CRY1: variants seen among roughly 807,000 people sequenced by gnomAD.
CRY1 encodes cryptochrome-1.
Under a neutral mutation model 76.0 loss-of-function variants are expected in CRY1, and 45 were observed. The observed-to-expected ratio is 0.59, with a 90% CI of 0.47 to 0.76. The LOEUF (loss-of-function observed/expected upper bound fraction) is 0.76. Ranked by LOEUF, CRY1 falls within the 30% of genes least tolerant of loss-of-function variation. CRY1 has a pLI of 0.00. For missense variants in CRY1, 587 were observed against 716.4 expected, an observed-to-expected ratio of 0.82 and a Z score of 2.06; for synonymous variants, 248 against 244.0, an observed-to-expected ratio of 1.02 and a Z score of -0.15.
At chr12:107,082,758 G>A (rs772221302) in intron 1 of CRY1, among the ~76,000 whole-genome samples, 3 of 151,988 alleles carry the variant, frequency 2.0e-5, no homozygotes, top group Non-Finnish European at 2.9e-5. Context: ...ATCTAAAATC[G>A]ACACCCTAAC....
Position 106,999,511 on chromosome 12 carries a change from C to G in CRY1, c.1137+40G>C. 3 of 1,519,574 alleles carry G rather than the reference C, an allele frequency of 2.0e-6. No homozygotes were observed. In the East Asian group the frequency reaches 6.8e-5, roughly 34 times the overall value. The allele number at this position is 1,519,574 out of a possible 1,614,324, so 94.1% of individuals were successfully genotyped here. A position where few individuals can be genotyped will look rare whatever the true frequency, so the allele number is the denominator to read the frequency against. On this transcript the variant is annotated intron_variant, in intron 7 of 12. Coordinates refer to ENST00000008527, the MANE Select transcript of CRY1 (RefSeq NM_004075.5). The stretch of plus-strand genomic sequence containing the variant: ...GATTTGTTTTATTAAGGTAAGGATT[C>G]CTTCAAAATAAGGCATGCTATATCA...
chr12:107,002,165 T>G (rs1447610208), intron 3 of CRY1, among the ~76,000 whole-genome samples: 1 of 152,060 alleles, frequency 6.6e-6, no homozygotes. Flanking sequence ...GTATCAAATA[T>G]ACTACACAAA....
Position 107,045,141 on chromosome 12 carries a change from A to C in CRY1, c.159-22949T>G, listed in dbSNP as rs1013785330. Among the ~76,000 whole-genome samples, 6 of 152,338 alleles carry C rather than the reference A, an allele frequency of 3.9e-5. No homozygotes were observed. In the East Asian group the frequency reaches 1.2e-3, roughly 29 times the overall value. ...AACAGCAAGAGAAAAGTGTCAAGTC[A>C]TATAAAAGGAAATCTCCATTAGACT... On this transcript the variant is annotated intron_variant, in intron 1 of 12. Coordinates refer to ENST00000008527, the MANE Select transcript of CRY1 (RefSeq NM_004075.5).
In CRY1 at chr12:107,053,080, A is replaced by G. The variant is rs567599471; in HGVS notation, c.159-30888T>C. Among the ~76,000 whole-genome samples, 3 of 152,322 alleles carry G rather than the reference A, an allele frequency of 2.0e-5. No homozygotes were observed. The East Asian group carries it at 5.8e-4, about 29-fold the overall frequency. On this transcript the variant is annotated intron_variant, in intron 1 of 12. Coordinates refer to ENST00000008527, the MANE Select transcript of CRY1 (RefSeq NM_004075.5). Reference sequence around the variant, plus strand: ...GCAGAGCCCATATAATTTAATCAACATGTTTAAAGTAAAAAAAGCAAGGAA... The same window carrying G: ...GCAGAGCCCATATAATTTAATCAACGTGTTTAAAGTAAAAAAAGCAAGGAA...
intron 2 of CRY1, among the ~76,000 whole-genome samples, chr12:107,020,397 T>A (rs1423948401): frequency 6.6e-6 from 1 of 152,202 alleles, no homozygotes; most frequent in Non-Finnish European, 1.5e-5. Context: ...GGGATCTATG[T>A]CCTCACCCAA....
chr12:106,998,659 A>AACACAC (rs10522970), intron 7 of CRY1, among the ~76,000 whole-genome samples: 8,206 of 143,368 alleles, frequency 0.057, 226 homozygotes, highest in East Asian at 0.086. Flanking sequence ...TAAGAGATTA[A>AACACAC]ACACACACAC....
intron 1 of CRY1, among the ~76,000 whole-genome samples, chr12:107,032,408 T>C (rs1399361093): frequency 6.6e-6 from 1 of 152,068 alleles, no homozygotes. Flanking sequence ...ATGAATCACC[T>C]CAACGCAAAT....
At position 107,066,711 on chromosome 12, in the gene CRY1, G is replaced by C. The variant is rs138688830; in HGVS notation, c.158+26093C>G. 6.9e-3 allele frequency among the ~76,000 whole-genome samples: 1,043 copies of C among 150,926 alleles called. 18 individuals carry two copies. Among genetic ancestry groups the C allele is most frequent in the African/African-American group, 0.024 (1,000 of 41,132 alleles). On this transcript the variant is annotated intron_variant, in intron 1 of 12. Coordinates refer to ENST00000008527, the MANE Select transcript of CRY1 (RefSeq NM_004075.5). Reference sequence around the variant, plus strand: ...GAACTCCTGAGCTCAACATCCACCCGCCTCGGCCTCCCAAATTGTTAGGAT... The same window carrying C: ...GAACTCCTGAGCTCAACATCCACCCCCCTCGGCCTCCCAAATTGTTAGGAT...
At chr12:107,036,328 C>T (rs1671890647) in intron 1 of CRY1, among the ~76,000 whole-genome samples, 1 of 152,166 alleles carries the variant, frequency 6.6e-6, no homozygotes, top group Admixed American at 6.5e-5. Context: ...AAAACTATGG[C>T]AAATCTTAAC....
At chr12:107,079,890 A>G (rs1413609357) in intron 1 of CRY1, among the ~76,000 whole-genome samples, 1 of 152,128 alleles carries the variant, frequency 6.6e-6, no homozygotes, top group East Asian at 1.9e-4. Context: ...CATAAATGAC[A>G]TGACCAGATT....
chr12:107,081,226 C>A (rs186875413), intron 1 of CRY1, among the ~76,000 whole-genome samples: 2 of 152,066 alleles, frequency 1.3e-5, no homozygotes. Context: ...AGTTTAAATT[C>A]TAAAACAAAT....
intron 5 of CRY1, 152 bp from the exon 6 acceptor site, chr12:107,000,234 G>T: frequency 1.2e-6 from 1 of 801,278 alleles, no homozygotes; most frequent in Non-Finnish European, 1.9e-6. Flanking sequence ...TAAAAAATAA[G>T]ACAGGATAAA....
chr12:107,038,878 C>T (rs982077103), intron 1 of CRY1, among the ~76,000 whole-genome samples: 2 of 152,222 alleles, frequency 1.3e-5, no homozygotes, highest in Non-Finnish European at 2.9e-5. Flanking sequence ...TGAGACAAAA[C>T]TCTCAGCTCC....
intron 2 of CRY1, among the ~76,000 whole-genome samples, chr12:107,018,565 C>A (rs1030619113): frequency 2.6e-5 from 4 of 151,676 alleles, no homozygotes; most frequent in Non-Finnish European, 5.9e-5. Context: ...CCAGCCTGGG[C>A]AACAGAGCAA....
intron 1 of CRY1, among the ~76,000 whole-genome samples, chr12:107,041,113 GAAGCT>G (rs1437636011): frequency 6.6e-6 from 1 of 151,834 alleles, no homozygotes; most frequent in Non-Finnish European, 1.5e-5. Context: ...TATGAGAGGT[GAAGCT>G]AAGAATTAAT....
chr12:107,008,253 T>G (rs1952397797), intron 2 of CRY1, among the ~76,000 whole-genome samples: 1 of 152,190 alleles, frequency 6.6e-6, no homozygotes, highest in Non-Finnish European at 1.5e-5. Flanking sequence ...GGGGATAAAT[T>G]AGTGAACATC....
chr12:107,032,373 A>T (rs4257075), intron 1 of CRY1, among the ~76,000 whole-genome samples: 1 of 152,356 alleles, frequency 6.6e-6, no homozygotes, highest in South Asian at 2.1e-4. Context: ...ATTCAAAAAA[A>T]TTTTATTAAA....
chr12:107,073,182 A>G (rs772666736), intron 1 of CRY1: 1 of 152,144 alleles, frequency 6.6e-6, no homozygotes, highest in African/African-American at 2.4e-5. Flanking sequence ...ATAAACCATA[A>G]AAGTTTGAAT....
chr12:107,019,700 G>A (rs1183657633), intron 2 of CRY1, among the ~76,000 whole-genome samples: 10 of 152,138 alleles, frequency 6.6e-5, no homozygotes, highest in Admixed American at 6.5e-4. Context: ...GGAGGTTGAA[G>A]GAGGATTGCC....
Sources: allele counts gnomAD v4.1 joint callset (sites outside exome capture counted in the v4.1 genomes callset), GRCh38; gene constraint gnomAD v4.1.1; transcripts MANE v1.5; gene names NCBI Gene and HGNC (gene_info 2026-07-23, HGNC 2026-07-21).